The following ZNF48 variants were observed in gnomAD, a reference collection of about 807,000 sequenced individuals.
ZNF48 encodes zinc finger protein 553.
In ZNF48, 20 loss-of-function variants were observed where a neutral mutation model predicts 40.0. That is an observed-to-expected ratio of 0.50 (90% CI 0.35 to 0.73). The LOEUF is 0.73. Among genes scored for constraint, ZNF48 ranks in the 30% least tolerant of loss-of-function variants. The probability of loss-of-function intolerance (pLI) is 0.01; values close to 1 mark genes in which losing one functional copy is unlikely to be tolerated. For synonymous variants in ZNF48, 298 were observed against 329.7 expected (o/e 0.90, Z 1.04); for missense variants, 726 against 851.9 (o/e 0.85, Z 1.84).
chr16:30,379,638 C>CTTTT (rs2049813382), intron 1 of ZNF48: 28 of 295,586 alleles, frequency 9.5e-5, no homozygotes, highest in South Asian at 3.0e-4. Context: ...CTGCCCCTTC[C>CTTTT]TCTTTTTTTT....
chr16:30,385,849 G>A (rs75607196), intron 1 of ZNF48, among the ~76,000 whole-genome samples: 2,429 of 152,116 alleles, frequency 0.016, 72 homozygotes, highest in African/African-American at 0.053. Context: ...AAAAATGTTG[G>A]GCGTGGTGGT....
upstream of ZNF48, among the ~76,000 whole-genome samples, chr16:30,391,214 A>G (rs555459943): frequency 6.6e-6 from 1 of 151,952 alleles, no homozygotes; most frequent in Non-Finnish European, 1.5e-5. Flanking sequence ...TTATTTTTTG[A>G]GACGGAGTCT....
intron 1 of ZNF48, chr16:30,380,431 A>T (rs2049828704): frequency 6.2e-6 from 1 of 161,110 alleles, no homozygotes; most frequent in Admixed American, 6.0e-5. Context: ...CCTCCTGAGT[A>T]ACTGGGACTA....
chr16:30,381,896 G>A lies in ZNF48; in HGVS notation c.-16+3486G>A. 2 of 1,614,006 alleles carry A rather than the reference G, an allele frequency of 1.2e-6. No individual in the cohort carries two copies. Among genetic ancestry groups the A allele is most frequent in the Non-Finnish European group, 1.7e-6 (2 of 1,179,976 alleles). On this transcript the variant is annotated intron_variant, in intron 1 of 2. Coordinates refer to the ZNF48 transcript ENST00000528032. The surrounding 1 kb of genome is among the most constrained non-coding windows in gnomAD (Gnocchi z 4.3). Reference sequence around the variant, plus strand: ...TGTGTCAAGCGAGCTGTGGGATGGGGGAGAGGTCAGGGATCCGGGGAGGCT... The same window carrying A: ...TGTGTCAAGCGAGCTGTGGGATGGGAGAGAGGTCAGGGATCCGGGGAGGCT...
chr16:30,385,176 AAATAAT>A (rs71149012), intron 1 of ZNF48, among the ~76,000 whole-genome samples: 33,958 of 140,582 alleles, frequency 0.24, 4,424 homozygotes, highest in Middle Eastern at 0.3. Context: ...ACTCTTTCTC[AAATAAT>A]AATAATAATA....
chr16:30,390,649 T>G, upstream of ZNF48, among the ~76,000 whole-genome samples: 2 of 120,658 alleles, frequency 1.7e-5, no homozygotes, highest in Non-Finnish European at 3.4e-5. Context: ...TGAGATGGAG[T>G]TTTCTCTGTC....
In ZNF48 at chr16:30,382,732, T is replaced by C; in HGVS notation, c.-16+4322T>C. Reference sequence around the variant, plus strand: ...CCCCTTTGCCCATCACCTGTCTACGTACCTTCAACCCTCCATCCTTCACAC... The same window carrying C: ...CCCCTTTGCCCATCACCTGTCTACGCACCTTCAACCCTCCATCCTTCACAC... On this transcript the variant is annotated intron_variant, in intron 1 of 2. Coordinates refer to the ZNF48 transcript ENST00000528032. The surrounding 1 kb of genome is among the most constrained non-coding windows in gnomAD (Gnocchi z 4.8). The C allele has an allele frequency of 6.5e-7, 1 of 1,536,326 alleles. No individual in the cohort carries two copies. The highest frequency in any genetic ancestry group is 8.7e-7 in the Non-Finnish European group (1 of 1,146,616).
chr16:30,397,843 G>C lies in ZNF48; in HGVS notation c.593G>C (p.Gly198Ala). Residue 198 changes from glycine (G) to alanine (A), a missense_variant, in exon 3 of 3, where the codon GGC (glycine) becomes GCC (alanine). Gly to Ala is a moderately conservative substitution (Grantham distance 60, BLOSUM62 0). Around this residue, in one of 5 missense-constraint regions of ZNF48, gnomAD observed 378 missense variants for 449.1 expected, o/e 0.84. Coordinates refer to ENST00000613509, the MANE Select transcript of ZNF48 (RefSeq NM_001214909.2). The surrounding 1 kb of genome is among the most constrained non-coding windows in gnomAD (Gnocchi z 4.1). ...CGCCCCACTATCTGTGGTGAATGTG[G>C]CAAGAGCTTCCGGCAGAGTTCTGAC... ...GERPTICGEC[G>A]KSFRQSSDLV... 1.2e-6 allele frequency: 2 copies of C among 1,613,964 alleles called. No individual in the cohort carries two copies. The highest frequency in any genetic ancestry group is 1.7e-6 in the Non-Finnish European group (2 of 1,180,008).
At chr16:30,393,912 T>G (rs1000866840), upstream of ZNF48, among the ~76,000 whole-genome samples, 3 of 151,410 alleles carry the variant, frequency 2.0e-5, no homozygotes, top group African/African-American at 7.3e-5. Context: ...AGAGACAAGG[T>G]CCACTTTTTT....
At chr16:30,390,600 G>GTTTTTTTTTTTTTTTTT (rs1567430629), upstream of ZNF48, among the ~76,000 whole-genome samples, 1 of 103,780 alleles carries the variant, frequency 9.6e-6, no homozygotes, top group Non-Finnish European at 1.9e-5. Flanking sequence ...AGTAGAGACG[G>GTTTTTTTTTTTTTTTTT]GTTTTTTTTT....
In ZNF48 at chr16:30,395,992, A is replaced by C; in HGVS notation, c.79+119A>C. 1 of 1,093,886 alleles carries C rather than the reference A, an allele frequency of 9.1e-7. No individual in the cohort carries two copies. The allele number at this position is 1,093,886 out of a possible 1,614,324, so 67.8% of individuals were successfully genotyped here. Reference sequence around the variant, plus strand: ...ACGTGAGCTGTGCCTCTGGGGAGATAGGGGGAGGGGAGCTTTCGGAGCACC... The same window carrying C: ...ACGTGAGCTGTGCCTCTGGGGAGATCGGGGGAGGGGAGCTTTCGGAGCACC... On this transcript the variant is annotated intron_variant, in intron 2 of 2. Coordinates refer to ENST00000613509, the MANE Select transcript of ZNF48 (RefSeq NM_001214909.2). The surrounding 1 kb of genome is among the most constrained non-coding windows in gnomAD (Gnocchi z 5.9).
At chr16:30,379,640 CT>C (rs71149011) in intron 1 of ZNF48, 6,803 of 236,342 alleles carry the variant, frequency 0.029, no homozygotes, top group Non-Finnish European at 0.034. Flanking sequence ...GCCCCTTCCT[CT>C]TTTTTTTTTT....
In ZNF48 at chr16:30,398,800, C is replaced by T. The variant is rs1405094536; in HGVS notation, c.1550C>T (p.Pro517Leu). 1.2e-6 allele frequency: 2 copies of T among 1,613,688 alleles called. No individual in the cohort carries two copies. Among genetic ancestry groups the T allele is most frequent in the Admixed American group, 1.7e-5 (1 of 60,008 alleles). ...RPPPPSTLLR[P>L]HNPPGPVPMA... is the part of the protein sequence containing the mutation. ...CCACCACCATCCACTCTGCTGCGGC[C>T]ACATAACCCACCTGGCCCAGTACCC... Residue 517 changes from proline (P) to leucine (L), a missense_variant, in exon 3 of 3, where the codon CCA becomes CTA. Pro to Leu is a moderately conservative substitution (Grantham distance 98). Coordinates refer to ENST00000613509, the MANE Select transcript of ZNF48 (RefSeq NM_001214909.2). The surrounding 1 kb of genome is among the most constrained non-coding windows in gnomAD (Gnocchi z 6.6).
At position 30,397,777 on chromosome 16, in the gene ZNF48, G is replaced by A. The variant is rs368785477; in HGVS notation, c.527G>A (p.Gly176Asp). The A allele has an allele frequency of 6.2e-7, 1 of 1,613,632 alleles. No individual in the cohort carries two copies. The highest frequency in any genetic ancestry group is 8.5e-7 in the Non-Finnish European group (1 of 1,179,954). Residue 176 changes from glycine (G) to aspartate (D), a missense_variant, in exon 3 of 3, where the codon GGT becomes GAT. By Grantham distance (94) the Gly-to-Asp change is moderately conservative. This residue lies in a region of ZNF48 where 378 missense variants were observed against 449.1 expected (regional missense o/e 0.84). Coordinates refer to ENST00000613509, the MANE Select transcript of ZNF48 (RefSeq NM_001214909.2). The surrounding 1 kb of genome is among the most constrained non-coding windows in gnomAD (Gnocchi z 4.1). ...TATAGAGCCCGGCCACCAGCCCAGGGTCCCCCAAAGATTCCTCGGTCCCGG... is the reference window on the plus strand; with the variant it reads ...TATAGAGCCCGGCCACCAGCCCAGGATCCCCCAAAGATTCCTCGGTCCCGG... ...KPYRARPPAQGPPKIPRSRIP... is the reference protein window; with the variant it reads ...KPYRARPPAQDPPKIPRSRIP...
Position 30,381,697 on chromosome 16 carries a change from G to A in ZNF48, c.-16+3287G>A. 2 of 1,598,972 alleles carry A rather than the reference G, an allele frequency of 1.3e-6. No individual in the cohort carries two copies. The highest frequency in any genetic ancestry group is 1.7e-4 in the Middle Eastern group (1 of 5,992). On this transcript the variant is annotated intron_variant, in intron 1 of 2. Coordinates refer to the ZNF48 transcript ENST00000528032. This position sits in a 1 kb window ranked among gnomAD's most constrained non-coding sequence, Gnocchi z 4.3. Reference sequence around the variant, plus strand: ...TAGGGAGCCAGCACAAACCAGTCCTGTAACTCTCCAGGGAGTCGCCACTGT... The same window carrying A: ...TAGGGAGCCAGCACAAACCAGTCCTATAACTCTCCAGGGAGTCGCCACTGT...
In ZNF48 at chr16:30,395,694, G is replaced by T. The variant is rs1192913960; in HGVS notation, c.-15-86G>T. 8.6e-7 allele frequency: 1 copy of T among 1,156,170 alleles called. No individual in the cohort carries two copies. The highest frequency in any genetic ancestry group is 3.3e-5 in the East Asian group (1 of 29,972). The allele number at this position is 1,156,170 out of a possible 1,614,324, so 71.6% of individuals were successfully genotyped here. A position where few individuals can be genotyped will look rare whatever the true frequency, so the allele number is the denominator to read the frequency against. ...TGGGACCCGACGCCGCCCGGTGCCC[G>T]CGCTGGCCGGCAGAGGGCAGCGGCA... On this transcript the variant is annotated intron_variant, in intron 1 of 2. Coordinates refer to ENST00000613509, the MANE Select transcript of ZNF48 (RefSeq NM_001214909.2). The surrounding 1 kb of genome is among the most constrained non-coding windows in gnomAD (Gnocchi z 5.9).
At chr16:30,383,326 C>CT (rs1351630385) in intron 1 of ZNF48, among the ~76,000 whole-genome samples, 1 of 152,130 alleles carries the variant, frequency 6.6e-6, no homozygotes, top group Admixed American at 6.5e-5. Flanking sequence ...GTAGCTGGGA[C>CT]TACAGGCACC....
chr16:30,390,866 T>C (rs1213747818), upstream of ZNF48, among the ~76,000 whole-genome samples: 2 of 151,944 alleles, frequency 1.3e-5, no homozygotes, highest in African/African-American at 4.8e-5. Flanking sequence ...CCTCGTGATC[T>C]GCCCACCTCA....
chr16:30,387,867 G>A (rs952699113), intron 1 of ZNF48, among the ~76,000 whole-genome samples: 4 of 151,726 alleles, frequency 2.6e-5, no homozygotes, highest in East Asian at 1.9e-4. Flanking sequence ...CTTCTCGTAC[G>A]CCTATATATA....
Sources: gnomAD v4.1 joint callset for allele counts (sites outside exome capture counted in the v4.1 genomes callset) on GRCh38, gnomAD v4.1.1 for gene constraint, gnomAD v4.1.1 regional missense constraint, Gnocchi (gnomAD v3.1) non-coding constraint, MANE v1.5 for transcripts, NCBI Gene and HGNC (gene_info 2026-07-23, HGNC 2026-07-21) for gene names.